The following SLC24A3 variants were observed in gnomAD, a reference collection of about 807,000 sequenced individuals.
SLC24A3 encodes sodium/potassium/calcium exchanger 3.
In SLC24A3, 28 loss-of-function variants were observed where a neutral mutation model predicts 75.8. That is an observed-to-expected ratio of 0.37 (90% CI 0.27 to 0.51). SLC24A3 has a LOEUF of 0.51. Ranked by LOEUF, SLC24A3 falls within the 20% of genes least tolerant of loss-of-function variation. The pLI is 0.94. For synonymous variants in SLC24A3, 372 were observed against 334.1 expected (o/e 1.11, Z -1.24); for missense variants, 663 against 847.8 (o/e 0.78, Z 2.71).
chr20:19,449,063 A>G (rs1395870664), intron 2 of SLC24A3, among the ~76,000 whole-genome samples: 1 of 152,174 alleles, frequency 6.6e-6, no homozygotes, highest in Non-Finnish European at 1.5e-5. Flanking sequence ...CAAGAAAAAG[A>G]AGTGAGTGGG....
intron 6 of SLC24A3, among the ~76,000 whole-genome samples, chr20:19,634,164 T>C (rs1052211451): frequency 6.6e-6 from 1 of 152,116 alleles, no homozygotes; most frequent in African/African-American, 2.4e-5. Context: ...ATGGTAGTGG[T>C]GTTTATGTGC....
Position 19,693,316 on chromosome 20 carries a change from A to G in SLC24A3, c.1382A>G (p.Tyr461Cys), listed in dbSNP as rs747322466. The change falls in exon 13 of 17, where the codon TAC (tyrosine) becomes TGC (cysteine). Residue 461 changes from tyrosine to cysteine, a missense_variant. Coordinates refer to ENST00000328041, the MANE Select transcript of SLC24A3 (RefSeq NM_020689.4). ...AFTWPLSFVLYFTVPNCNKPR... is the reference protein window; with the variant it reads ...AFTWPLSFVLCFTVPNCNKPR... ...ACCTGGCCGCTGAGTTTCGTCTTAT[A>G]CTTCACTGTACCCAACTGCAACAAG... 6.2e-7 allele frequency: 1 copy of G among 1,613,946 alleles called. No individual in the cohort carries two copies. The highest frequency in any genetic ancestry group is 8.5e-7 in the Non-Finnish European group (1 of 1,180,004).
At chr20:19,527,368 G>GTGAA (rs928307349) in intron 3 of SLC24A3, among the ~76,000 whole-genome samples, 2 of 152,150 alleles carry the variant, frequency 1.3e-5, no homozygotes, top group Non-Finnish European at 2.9e-5. Context: ...TAGTGTGACG[G>GTGAA]TGAATGAATG....
chr20:19,677,412 C>G (rs2032537455), intron 9 of SLC24A3, among the ~76,000 whole-genome samples: 1 of 152,068 alleles, frequency 6.6e-6, no homozygotes, highest in Non-Finnish European at 1.5e-5. Context: ...GGCAAGGCAT[C>G]CTTGTCGAAT....
At chr20:19,268,226 AT>A (rs1457224474) in intron 1 of SLC24A3, among the ~76,000 whole-genome samples, 2 of 152,206 alleles carry the variant, frequency 1.3e-5, no homozygotes, top group Non-Finnish European at 2.9e-5. Flanking sequence ...CACTTCTATT[AT>A]GTAAATTATG....
intron 3 of SLC24A3, among the ~76,000 whole-genome samples, chr20:19,546,892 C>T (rs1461294615): frequency 2.0e-5 from 3 of 152,208 alleles, no homozygotes; most frequent in African/African-American, 4.8e-5. Flanking sequence ...CCAGCCACTG[C>T]ATGCCCACAG....
At chr20:19,704,270 A>AG (rs1471318957) in intron 15 of SLC24A3, among the ~76,000 whole-genome samples, 1 of 152,092 alleles carries the variant, frequency 6.6e-6, no homozygotes, top group African/African-American at 2.4e-5. Context: ...AGAAGAGAGT[A>AG]GGGGGGCAAG....
chr20:19,265,503 A>C (rs1301788522), intron 1 of SLC24A3, among the ~76,000 whole-genome samples: 1 of 152,178 alleles, frequency 6.6e-6, no homozygotes, highest in African/African-American at 2.4e-5. Flanking sequence ...GGATTTCAAC[A>C]GACTTTACAT....
chr20:19,591,607 C>T (rs2031378418), intron 6 of SLC24A3, among the ~76,000 whole-genome samples: 1 of 152,014 alleles, frequency 6.6e-6, no homozygotes, highest in African/African-American at 2.4e-5. Context: ...CATCTCATTC[C>T]CCATCCCCCC....
At chr20:19,353,449 T>C (rs936801494) in intron 2 of SLC24A3, among the ~76,000 whole-genome samples, 4 of 152,232 alleles carry the variant, frequency 2.6e-5, no homozygotes, top group South Asian at 2.1e-4. Context: ...CTTTAGTAGG[T>C]GACAAATATG....
At chr20:19,280,125 A>T (rs769118018) in intron 1 of SLC24A3, among the ~76,000 whole-genome samples, 8 of 152,048 alleles carry the variant, frequency 5.3e-5, no homozygotes, top group Non-Finnish European at 8.8e-5. Flanking sequence ...GGCTCTTCAA[A>T]CTCAGCATGC....
intron 2 of SLC24A3, among the ~76,000 whole-genome samples, chr20:19,449,408 G>A (rs1987443552): frequency 6.6e-6 from 1 of 152,238 alleles, no homozygotes; most frequent in African/African-American, 2.4e-5. Flanking sequence ...TGGCGCCCAA[G>A]CTCTGGGGCC....
At chr20:19,368,010 G>T (rs1985926710) in intron 2 of SLC24A3, among the ~76,000 whole-genome samples, 1 of 152,208 alleles carries the variant, frequency 6.6e-6, no homozygotes, top group Admixed American at 6.5e-5. Context: ...TACTCTCTTG[G>T]AATAGATGGT....
intron 6 of SLC24A3, among the ~76,000 whole-genome samples, chr20:19,639,154 T>G (rs1394961230): frequency 1.3e-5 from 2 of 151,960 alleles, no homozygotes; most frequent in East Asian, 1.9e-4. Context: ...GACACAAAGG[T>G]TCTCCACCTC....
In SLC24A3 at chr20:19,573,708, A is replaced by G. The variant is rs138873246; in HGVS notation, c.349-6292A>G. On this transcript the variant is annotated intron_variant, in intron 3 of 16. Transcript: ENST00000328041. Reference sequence around the variant, plus strand: ...ATAAATGGCTGCTGCCATTCCAGACATCACATCCAAGTTGCACGCCGGAAG... The same window carrying G: ...ATAAATGGCTGCTGCCATTCCAGACGTCACATCCAAGTTGCACGCCGGAAG... Among the ~76,000 whole-genome samples, 4 of 152,346 alleles carry G rather than the reference A, an allele frequency of 2.6e-5. No individual in the cohort carries two copies. The East Asian group carries it at 7.7e-4, about 29-fold the overall frequency.
intron 2 of SLC24A3, among the ~76,000 whole-genome samples, chr20:19,312,424 G>T (rs1350915206): frequency 6.6e-6 from 1 of 152,090 alleles, no homozygotes; most frequent in Non-Finnish European, 1.5e-5. Flanking sequence ...ATTTAAGAAT[G>T]CATACATATC....
At chr20:19,719,128 G>C (rs1028794089) in intron 16 of SLC24A3, among the ~76,000 whole-genome samples, 4 of 152,158 alleles carry the variant, frequency 2.6e-5, no homozygotes, top group Non-Finnish European at 5.9e-5. Flanking sequence ...GGAGCCCTGA[G>C]CATTGGCCAT....
intron 2 of SLC24A3, among the ~76,000 whole-genome samples, chr20:19,314,276 TATTTA>T (rs1984527403): frequency 8.3e-6 from 1 of 120,174 alleles, no homozygotes; most frequent in Non-Finnish European, 2.0e-5. Context: ...TGTTTTTATT[TATTTA>T]TTTTATTTTA....
intron 3 of SLC24A3, among the ~76,000 whole-genome samples, chr20:19,529,392 A>G (rs1193339394): frequency 6.6e-6 from 1 of 152,168 alleles, no homozygotes; most frequent in Non-Finnish European, 1.5e-5. Context: ...ACTGAGCTGC[A>G]CAGGCTGGAA....
Sources: gnomAD v4.1 joint callset for allele counts (sites outside exome capture counted in the v4.1 genomes callset) on GRCh38, gnomAD v4.1.1 for gene constraint, MANE v1.5 for transcripts, NCBI Gene and HGNC (gene_info 2026-07-23, HGNC 2026-07-21) for gene names.